Variants in KMT2E observed in about 807,000 individuals in gnomAD.
KMT2E encodes histone reader KMT2E.
In KMT2E, 30 loss-of-function variants were observed where a neutral mutation model predicts 184.6. The observed-to-expected ratio is 0.16, with a 90% CI of 0.12 to 0.22. The LOEUF (loss-of-function observed/expected upper bound fraction) is 0.22, where lower values mean the gene tolerates loss of function less well. KMT2E is among the 10% of genes least tolerant of loss of function. The probability of loss-of-function intolerance (pLI) is 1.00; values close to 1 mark genes in which losing one functional copy is unlikely to be tolerated. For missense variants in KMT2E, 2,023 were observed against 2,237.4 expected (o/e 0.90, Z 1.93); for synonymous variants, 815 against 776.5 (o/e 1.05, Z -0.82).
At chr7:105,107,003 T>G (rs898006216) in intron 20 of KMT2E, among the ~76,000 whole-genome samples, 163 bp from the exon 21 acceptor site, 2 of 152,238 alleles carry the variant, frequency 1.3e-5, no homozygotes, top group Non-Finnish European at 2.9e-5. Context: ...TGTGTGTATC[T>G]AATTGATCTT....
At position 105,098,063 on chromosome 7, in the gene KMT2E, G is replaced by T. The variant is rs73404030; in HGVS notation, c.1723-3362G>T. ...CAAGCCATACGTGTTATTTTGGAAT[G>T]ATTTTTATTAGTAACAAATAATCTT... On this transcript the variant is annotated intron_variant, in intron 15 of 26. Coordinates refer to ENST00000311117, the MANE Select transcript of KMT2E (RefSeq NM_182931.3). Among the ~76,000 whole-genome samples the T allele has an allele frequency of 6.3e-3, 952 of 152,184 alleles. 11 individuals carry two copies. Among genetic ancestry groups the T allele is most frequent in the African/African-American group, 0.022 (900 of 41,518 alleles).
At chr7:105,089,844 A>T (rs1798129210) in intron 13 of KMT2E, among the ~76,000 whole-genome samples, 165 bp from the exon 14 acceptor site, 1 of 152,168 alleles carries the variant, frequency 6.6e-6, no homozygotes, top group African/African-American at 2.4e-5. Flanking sequence ...TTAATGAAAA[A>T]AATTTTTTGT....
rs140014560 is a variant in KMT2E, at chr7:105,112,790, C to G, written c.5034C>G (p.Pro1678=). The G allele has an allele frequency of 6.4e-6, 10 of 1,573,168 alleles. No homozygotes were observed. The highest frequency in any genetic ancestry group is 8.7e-6 in the Non-Finnish European group (10 of 1,154,266). The change falls in exon 27 of 27, where the codon CCC becomes CCG. Residue 1678 remains proline, a synonymous_variant. Transcript: ENST00000311117. ...IHSQTAGHHL[P]PPPPPPGPAP... is the part of the protein sequence containing the mutation. ...CTCAAACTGCTGGACACCACTTACC[C>G]CCACCCCCACCCCCTCCTGGTCCTG...
At chr7:105,063,628 C>CT (rs1796909417) in intron 5 of KMT2E, 48 bp downstream of exon 5, 1 of 1,261,468 alleles carries the variant, frequency 7.9e-7, no homozygotes, top group African/African-American at 1.5e-5. Context: ...TGCTGATAAC[C>CT]TTTGGTAATG....
chr7:105,034,909 G>A (rs1204905465), intron 1 of KMT2E, among the ~76,000 whole-genome samples: 1 of 151,952 alleles, frequency 6.6e-6, no homozygotes, highest in African/African-American at 2.4e-5. Flanking sequence ...AGTCTGGAGT[G>A]CAGTGGTGCA....
At chr7:105,105,251 G>T in intron 17 of KMT2E, 188 bp from the exon 18 acceptor site, 1 of 430,268 alleles carries the variant, frequency 2.3e-6, no homozygotes, top group Admixed American at 4.2e-5. Context: ...TGGGTAAAAA[G>T]TTTCAGAATA....
At chr7:105,090,587 G>A (rs1798160852) in intron 14 of KMT2E, among the ~76,000 whole-genome samples, 4 of 152,142 alleles carry the variant, frequency 2.6e-5, no homozygotes, top group Admixed American at 2.6e-4. Context: ...AAAGTCTTAA[G>A]CTGCAAAATT....
At chr7:105,100,811 A>T (rs1208469096) in intron 15 of KMT2E, among the ~76,000 whole-genome samples, 2 of 152,212 alleles carry the variant, frequency 1.3e-5, no homozygotes, top group Non-Finnish European at 2.9e-5. Flanking sequence ...CAACTCAGAG[A>T]AGTTCATCAT....
intron 15 of KMT2E, among the ~76,000 whole-genome samples, chr7:105,099,688 G>C (rs1798574991): frequency 6.6e-6 from 1 of 152,048 alleles, no homozygotes; most frequent in African/African-American, 2.4e-5. Flanking sequence ...CCCACCTGTG[G>C]GTAGTTTTTT....
chr7:105,104,202 C>T (rs937176307), intron 17 of KMT2E: 6 of 151,890 alleles, frequency 4.0e-5, no homozygotes, highest in Admixed American at 6.6e-5. Flanking sequence ...AATGGTTACT[C>T]GTTTTTTTTA....
chr7:105,106,842 C>T, intron 20 of KMT2E, 70 bp downstream of exon 20: 2 of 1,464,962 alleles, frequency 1.4e-6, no homozygotes, highest in East Asian at 2.3e-5. Flanking sequence ...AGAGCTCTTT[C>T]CCCTCCTTTA....
At chr7:105,079,004 G>A (rs1481969869) in intron 12 of KMT2E, 41 bp downstream of exon 12, 1 of 1,059,924 alleles carries the variant, frequency 9.4e-7, no homozygotes, top group South Asian at 1.3e-5. Context: ...TGGGTGCTGG[G>A]GGTGTGTTGG....
At chr7:105,065,957 T>C (rs1797008725) in intron 5 of KMT2E, among the ~76,000 whole-genome samples, 2 of 152,230 alleles carry the variant, frequency 1.3e-5, no homozygotes, top group Non-Finnish European at 2.9e-5. Flanking sequence ...CCATGTATTC[T>C]ATTAAAAGTA....
chr7:105,078,922 G>A lies in KMT2E; in HGVS notation c.1207G>A (p.Glu403Lys). 6.2e-7 allele frequency: 1 copy of A among 1,611,962 alleles called. No individual in the cohort carries two copies. The highest frequency in any genetic ancestry group is 8.5e-7 in the Non-Finnish European group (1 of 1,178,338). Residue 403 changes from glutamate to lysine, a missense_variant, in exon 12 of 27, where the codon GAG (glutamate) becomes AAG (lysine). This residue lies in a region of KMT2E where 68 missense variants were observed against 133.1 expected (regional missense o/e 0.51). Transcript: ENST00000311117. Reference sequence around the variant, plus strand: ...TGTTGATGCAAGGACTTTTGGGAATGAGGCTCGATTCATCAGGCGGTCTTG... The same window carrying A: ...TGTTGATGCAAGGACTTTTGGGAATAAGGCTCGATTCATCAGGCGGTCTTG... Reference protein sequence around the residue: ...MCVDARTFGNEARFIRRSCTP... With the variant: ...MCVDARTFGNKARFIRRSCTP...
intron 4 of KMT2E, among the ~76,000 whole-genome samples, 154 bp from the exon 5 acceptor site, chr7:105,063,197 C>T (rs1334478211): frequency 6.6e-6 from 1 of 151,562 alleles, no homozygotes; most frequent in Non-Finnish European, 1.5e-5. Flanking sequence ...ACTGGCTTCA[C>T]CAAGTCATTT....
At chr7:105,096,130 C>T (rs1798400437) in intron 15 of KMT2E, among the ~76,000 whole-genome samples, 3 of 151,378 alleles carry the variant, frequency 2.0e-5, no homozygotes, top group Admixed American at 2.0e-4. Flanking sequence ...TGGCACATGC[C>T]TATAATCCCA....
chr7:105,046,286 T>A lies in KMT2E; in HGVS notation c.71+5263T>A, dbSNP rs762767027. On this transcript the variant is annotated intron_variant, in intron 3 of 26. Transcript: ENST00000311117. Reference sequence around the variant, plus strand: ...AATTTTTCTAAAAACACATAAGTCATTTAATTTTCCCAGGTTTTTACATCA... The same window carrying A: ...AATTTTTCTAAAAACACATAAGTCAATTAATTTTCCCAGGTTTTTACATCA... 8.5e-5 allele frequency among the ~76,000 whole-genome samples: 13 copies of A among 152,330 alleles called. No homozygotes were observed. The South Asian group carries it at 1.2e-3, about 15-fold the overall frequency.
chr7:105,102,122 A>G lies in KMT2E; in HGVS notation c.2124A>G (p.Leu708=), dbSNP rs769445815. ...TAGAACCAGAAACTGAAACTGCACTAGCAGAAATAATTACTGAAACTGAAG... is the reference window on the plus strand; with the variant it reads ...TAGAACCAGAAACTGAAACTGCACTGGCAGAAATAATTACTGAAACTGAAG... ...LTIEPETETA[L]AEIITETEVP... The change falls in exon 17 of 27, where the codon CTA becomes CTG. Residue 708 remains leucine (L), a synonymous_variant. Coordinates refer to ENST00000311117, the MANE Select transcript of KMT2E (RefSeq NM_182931.3). 1.2e-6 allele frequency: 2 copies of G among 1,612,804 alleles called. No individual in the cohort carries two copies. The highest frequency in any genetic ancestry group is 1.7e-6 in the Non-Finnish European group (2 of 1,179,104).
chr7:105,059,711 A>G (rs1796713368), intron 3 of KMT2E, among the ~76,000 whole-genome samples: 3 of 152,154 alleles, frequency 2.0e-5, no homozygotes, highest in South Asian at 2.1e-4. Context: ...TCATGAATAC[A>G]TATATTTTCG....
Sources: gnomAD v4.1 joint callset for allele counts (sites outside exome capture counted in the v4.1 genomes callset) on GRCh38, gnomAD v4.1.1 for gene constraint, gnomAD v4.1.1 regional missense constraint, MANE v1.5 for transcripts, NCBI Gene and HGNC (gene_info 2026-07-23, HGNC 2026-07-21) for gene names.